Variants in DOCK5 observed in about 807,000 individuals in gnomAD.
DOCK5 encodes dedicator of cytokinesis protein 5.
A neutral mutation model predicts 251.8 loss-of-function variants in DOCK5; 142 were observed. The observed-to-expected ratio is 0.56, with a 90% confidence interval of 0.49 to 0.65. The LOEUF is 0.65. Among genes scored for constraint, DOCK5 ranks in the 30% least tolerant of loss-of-function variants. The probability of loss-of-function intolerance (pLI) is 0.00; values close to 1 mark genes in which losing one functional copy is unlikely to be tolerated. For missense variants in DOCK5, 2,111 were observed against 2,312.3 expected (o/e 0.91, Z 1.79); for synonymous variants, 842 against 835.5 (o/e 1.01, Z -0.13).
intron 21 of DOCK5, among the ~76,000 whole-genome samples, chr8:25,335,162 T>C (rs908294950): frequency 1.3e-5 from 2 of 152,222 alleles, no homozygotes; most frequent in Non-Finnish European, 2.9e-5. Flanking sequence ...GATTGGTCCA[T>C]GATCTTCTTA....
rs138008023 is a variant in DOCK5 at position 25,395,593 on chromosome 8, C to T, written c.4578C>T (p.Asn1526=). 5.5e-4 allele frequency: 880 copies of T among 1,613,744 alleles called. 1 individual carries two copies. The East Asian group carries it at 0.014, about 26-fold the overall frequency. ...CCATCGAAACCATGGAGCTGACCAA[C>T]GAGAGGATCAGCAACTGTGTTCAGC... ...ENAIETMELT[N]ERISNCVQQH... Residue 1526 remains asparagine, a synonymous_variant, in exon 45 of 52, where the codon AAC becomes AAT. Transcript: ENST00000276440.
intron 1 of DOCK5, among the ~76,000 whole-genome samples, chr8:25,236,427 A>AT (rs1802798717): frequency 6.6e-6 from 1 of 152,192 alleles, no homozygotes; most frequent in Admixed American, 6.5e-5. Flanking sequence ...ATTACAGAGC[A>AT]TAAGAAAATG....
chr8:25,393,750 G>A (rs1801299689), intron 44 of DOCK5, among the ~76,000 whole-genome samples: 1 of 152,174 alleles, frequency 6.6e-6, no homozygotes, highest in Admixed American at 6.5e-5. Context: ...GTGGCATCCT[G>A]GGCGTGTTTC....
intron 36 of DOCK5, among the ~76,000 whole-genome samples, chr8:25,374,239 AG>A (rs1400658804): frequency 6.6e-6 from 1 of 151,918 alleles, no homozygotes; most frequent in Admixed American, 6.6e-5. Context: ...AGTAGTGGGG[AG>A]GGGGGTCAGG....
At chr8:25,251,628 C>G (rs916217965) in intron 2 of DOCK5, among the ~76,000 whole-genome samples, 2 of 152,110 alleles carry the variant, frequency 1.3e-5, no homozygotes, top group African/African-American at 4.8e-5. Context: ...AGTGTTATGA[C>G]AGGTAAGTTA....
At chr8:25,251,778 C>T (rs1803276156) in intron 2 of DOCK5, among the ~76,000 whole-genome samples, 1 of 152,132 alleles carries the variant, frequency 6.6e-6, no homozygotes, top group Non-Finnish European at 1.5e-5. Context: ...CACATGAGGC[C>T]AGGAGTTTGA....
intron 23 of DOCK5, 43 bp from the exon 24 acceptor site, chr8:25,341,696 T>G (rs764174869): frequency 4.6e-6 from 7 of 1,512,210 alleles, no homozygotes; most frequent in Middle Eastern, 3.4e-4. Context: ...ACTGTATTTG[T>G]CTTGCCTGGC....
At position 25,348,837 on chromosome 8, in the gene DOCK5, C is replaced by CA. The variant is rs574264117; in HGVS notation, c.2755-2877dup. On this transcript the variant is annotated intron_variant, in intron 26 of 51. Transcript: ENST00000276440. The stretch of plus-strand genomic sequence containing the variant: ...TGGGCAACAGAGCGAGACTCTGTCT[C>CA]AAAAAAAAAAAAAAAAATTTATGTA... Among the ~76,000 whole-genome samples, 701 of 115,738 alleles carry CA rather than the reference C, an allele frequency of 6.1e-3. 4 individuals are homozygous for CA. The highest frequency in any genetic ancestry group is 6.8e-3 in the South Asian group (25 of 3,688). The allele number at this position is 115,738 out of a possible 152,430, so 75.9% of individuals were successfully genotyped here. A position where few individuals can be genotyped will look rare whatever the true frequency, so the allele number is the denominator to read the frequency against.
At chr8:25,370,792 C>T (rs1215860409) in intron 34 of DOCK5, among the ~76,000 whole-genome samples, 3 of 151,992 alleles carry the variant, frequency 2.0e-5, no homozygotes, top group Non-Finnish European at 2.9e-5. Context: ...AGGCGTGCAC[C>T]ACCATGCCCA....
chr8:25,281,646 T>C (rs1804197005), intron 5 of DOCK5, among the ~76,000 whole-genome samples: 2 of 151,404 alleles, frequency 1.3e-5, no homozygotes, highest in South Asian at 4.2e-4. Context: ...TTTGGGAGGC[T>C]GAGGTGGGCG....
rs1367148223 is a variant in DOCK5 at position 25,271,066 on chromosome 8, T to G, written c.168+2181T>G. Reference sequence around the variant, plus strand: ...GTTGAACCCATGATATGGAGGGCCTTGTGTATATAAAAATCAGTCTAGCTA... The same window carrying G: ...GTTGAACCCATGATATGGAGGGCCTGGTGTATATAAAAATCAGTCTAGCTA... On this transcript the variant is annotated intron_variant, in intron 3 of 51. Coordinates refer to ENST00000276440, the MANE Select transcript of DOCK5 (RefSeq NM_024940.8). 7 of 408,362 alleles carry G rather than the reference T, an allele frequency of 1.7e-5. 1 individual carries two copies. Among genetic ancestry groups the G allele is most frequent in the Non-Finnish European group, 3.0e-5 (7 of 229,736 alleles). 25.3% of individuals were successfully genotyped at this position (408,362 alleles called of 1,614,324 possible). A position where few individuals can be genotyped will look rare whatever the true frequency, so the allele number is the denominator to read the frequency against.
intron 2 of DOCK5, among the ~76,000 whole-genome samples, chr8:25,266,754 T>C (rs1427496099): frequency 1.3e-5 from 2 of 151,880 alleles, no homozygotes; most frequent in Non-Finnish European, 2.9e-5. Context: ...AAATGAACAT[T>C]CACGTTTACA....
At chr8:25,187,654 A>G (rs1049505566) in intron 1 of DOCK5, among the ~76,000 whole-genome samples, 2 of 151,848 alleles carry the variant, frequency 1.3e-5, no homozygotes, top group Non-Finnish European at 2.9e-5. Flanking sequence ...ATAAAGTCTG[A>G]GCCTCCGTTC....
chr8:25,289,568 C>T (rs1481166031), intron 5 of DOCK5, among the ~76,000 whole-genome samples: 4 of 150,912 alleles, frequency 2.7e-5, no homozygotes, highest in African/African-American at 7.3e-5. Flanking sequence ...TGGGGCTGGG[C>T]GTGGTGGCTC....
chr8:25,334,227 T>C, intron 21 of DOCK5, 31 bp downstream of exon 21: 2 of 1,539,952 alleles, frequency 1.3e-6, no homozygotes, highest in Non-Finnish European at 9.0e-7. Context: ...CTACATGTTG[T>C]TGGATCTTTG....
intron 3 of DOCK5, among the ~76,000 whole-genome samples, chr8:25,272,218 G>A (rs540421823): frequency 5.3e-5 from 8 of 151,658 alleles, no homozygotes; most frequent in South Asian, 4.2e-4. Flanking sequence ...TTGTAGAGAC[G>A]GTGTCTCAGT....
At chr8:25,256,171 G>A (rs1803416035) in intron 2 of DOCK5, among the ~76,000 whole-genome samples, 2 of 152,202 alleles carry the variant, frequency 1.3e-5, no homozygotes, top group Admixed American at 6.5e-5. Flanking sequence ...CCTAATGTTT[G>A]TCATGCAACC....
intron 5 of DOCK5, among the ~76,000 whole-genome samples, chr8:25,279,412 A>C (rs542922465): frequency 6.6e-6 from 1 of 152,282 alleles, no homozygotes; most frequent in Admixed American, 6.5e-5. Flanking sequence ...AAGGATGCTC[A>C]AAGTCTATTG....
intron 26 of DOCK5, among the ~76,000 whole-genome samples, chr8:25,347,128 A>G (rs1209471167): frequency 6.6e-6 from 1 of 152,232 alleles, no homozygotes; most frequent in Non-Finnish European, 1.5e-5. Flanking sequence ...GGATATGAAT[A>G]CTACACCTTT....
Sources: allele counts gnomAD v4.1 joint callset (sites outside exome capture counted in the v4.1 genomes callset), GRCh38; gene constraint gnomAD v4.1.1; transcripts MANE v1.5; gene names NCBI Gene and HGNC (gene_info 2026-07-23, HGNC 2026-07-21).